ROBO2: variants seen among roughly 807,000 people sequenced by gnomAD.
ROBO2 encodes the protein roundabout guidance receptor 2.
Under a neutral mutation model 160.8 loss-of-function variants are expected in ROBO2, and 53 were observed. That is an observed-to-expected ratio of 0.33 (90% confidence interval 0.26 to 0.41). The LOEUF (loss-of-function observed/expected upper bound fraction) is 0.41, where lower values mean the gene tolerates loss of function less well. Among genes scored for constraint, ROBO2 ranks in the 10% least tolerant of loss-of-function variants. The pLI, the probability that ROBO2 is intolerant of heterozygous loss-of-function variation, is 1.00. For synonymous variants in ROBO2, 664 were observed against 611.7 expected, an observed-to-expected ratio of 1.09 and a Z score of -1.26; for missense variants, 1,577 against 1,722.4, an observed-to-expected ratio of 0.92 and a Z score of 1.49.
chr3:76,506,181 C>T (rs2080786392), intron 2 of ROBO2, among the ~76,000 whole-genome samples: 1 of 152,156 alleles, frequency 6.6e-6, no homozygotes, highest in Non-Finnish European at 1.5e-5. Flanking sequence ...GCTGGGCACA[C>T]ATATCTTTTA....
At chr3:76,325,036 C>T (rs1487016755) in intron 2 of ROBO2, among the ~76,000 whole-genome samples, 2 of 152,282 alleles carry the variant, frequency 1.3e-5, no homozygotes, top group Middle Eastern at 3.4e-3. Context: ...ACCCGGGAGG[C>T]GGAGCTTGCA....
Position 76,195,707 on chromosome 3 carries a change from T to C in ROBO2, c.109+258105T>C, listed in dbSNP as rs554084646. On this transcript the variant is annotated intron_variant, in intron 2 of 26. Coordinates refer to the ROBO2 transcript ENST00000487694. ...AAACAGTTCAAGTTGTCAAAGCCAA[T>C]AAGGAGAAGAATAAGGATTTGAACT... is the stretch of plus-strand genomic sequence containing the variant. Among the ~76,000 whole-genome samples the C allele has an allele frequency of 3.4e-4, 51 of 152,170 alleles. 1 individual carries two copies. The highest frequency in any genetic ancestry group is 6.9e-4 in the Non-Finnish European group (47 of 68,030).
At chr3:77,193,018 A>G (rs1008698686) in intron 2 of ROBO2, among the ~76,000 whole-genome samples, 1 of 152,104 alleles carries the variant, frequency 6.6e-6, no homozygotes, top group Non-Finnish European at 1.5e-5. Flanking sequence ...AAATATGTTC[A>G]CAGAAGCACC....
chr3:76,341,135 A>G (rs1516477), intron 2 of ROBO2, among the ~76,000 whole-genome samples: 115,351 of 151,996 alleles, frequency 0.76, 46,845 homozygotes, highest in East Asian at 0.96. Context: ...GAAATTTGTT[A>G]TCAGATTTAA....
intron 2 of ROBO2, among the ~76,000 whole-genome samples, chr3:76,380,718 T>TTA (rs145405521): frequency 0.046 from 6,955 of 152,126 alleles, 392 homozygotes; most frequent in African/African-American, 0.13. Context: ...AAGTCAAACG[T>TTA]TATATGTGGA....
At chr3:76,791,717 A>G (rs1349592773) in intron 2 of ROBO2, among the ~76,000 whole-genome samples, 1 of 151,758 alleles carries the variant, frequency 6.6e-6, no homozygotes, top group Non-Finnish European at 1.5e-5. Context: ...AAGTGAGATG[A>G]TATCTGGCTT....
chr3:77,602,507 G>T lies in ROBO2; in HGVS notation c.3136+16G>T, dbSNP rs1327696598. On this transcript the variant is annotated intron_variant, in intron 20 of 25. Transcript: ENST00000461745. ...GGTAACAATGGTGAGTCAGGTTCTT[G>T]TGTCCTGAGGAGGTATTTTCATATC... 1.2e-6 allele frequency: 2 copies of T among 1,613,558 alleles called. No homozygotes were observed. The highest frequency in any genetic ancestry group is 3.3e-5 in the Admixed American group (2 of 60,012).
chr3:77,165,209 C>T (rs2078960584), intron 2 of ROBO2, among the ~76,000 whole-genome samples: 1 of 150,370 alleles, frequency 6.7e-6, no homozygotes, highest in Non-Finnish European at 1.5e-5. Context: ...TCATTTTGTT[C>T]TGCACTAAGA....
intron 2 of ROBO2, among the ~76,000 whole-genome samples, chr3:76,928,229 A>G (rs2149035402): frequency 6.6e-6 from 1 of 152,286 alleles, no homozygotes; most frequent in African/African-American, 2.4e-5. Context: ...CATGAGCCAC[A>G]AAATGGGAGT....
chr3:76,796,511 A>AAG (rs2063711810), intron 2 of ROBO2, among the ~76,000 whole-genome samples: 37 of 144,522 alleles, frequency 2.6e-4, no homozygotes, highest in African/African-American at 9.5e-4. Flanking sequence ...AAAGAAGGAA[A>AAG]GAAGGAAGGA....
intron 14 of ROBO2, among the ~76,000 whole-genome samples, chr3:77,576,430 C>A (rs906938921): frequency 1.1e-4 from 16 of 152,116 alleles, no homozygotes; most frequent in Middle Eastern, 3.4e-3. Context: ...ACATAAAAAG[C>A]CATTAATACC....
At chr3:76,885,566 C>T (rs1437338313) in intron 2 of ROBO2, among the ~76,000 whole-genome samples, 2 of 152,122 alleles carry the variant, frequency 1.3e-5, no homozygotes, top group African/African-American at 4.8e-5. Flanking sequence ...GCTAAAAATA[C>T]CAATGTTCAC....
chr3:76,193,805 A>C (rs1481263275), intron 2 of ROBO2, among the ~76,000 whole-genome samples: 1 of 152,286 alleles, frequency 6.6e-6, no homozygotes, highest in South Asian at 2.1e-4. Context: ...TTAATTGATC[A>C]TGTGACCTCT....
rs554839795 is a variant in ROBO2 at position 75,997,516 on chromosome 3, G to A, written c.109+59914G>A. Among the ~76,000 whole-genome samples, 91 of 12,266 alleles carry A rather than the reference G, an allele frequency of 7.4e-3. 1 individual carries two copies. The highest frequency in any genetic ancestry group is 0.021 in the South Asian group (2 of 96). 8.0% of individuals were successfully genotyped at this position (12,266 alleles called of 152,430 possible). A position where few individuals can be genotyped will look rare whatever the true frequency, so the allele number is the denominator to read the frequency against. ...CATCCATTCTTTTTTTTTTTGAGAC[G>A]GAGTCTCTCTCTGTCACCCAGGCTG... On this transcript the variant is annotated intron_variant, in intron 2 of 26. Coordinates refer to the ROBO2 transcript ENST00000487694.
At chr3:76,227,093 T>C (rs746115374) in intron 2 of ROBO2, among the ~76,000 whole-genome samples, 7 of 152,204 alleles carry the variant, frequency 4.6e-5, no homozygotes, top group Non-Finnish European at 7.3e-5. Flanking sequence ...CTCACTACAG[T>C]GAATCTGGAA....
chr3:76,971,197 C>G (rs2059555561), intron 2 of ROBO2, among the ~76,000 whole-genome samples: 1 of 152,060 alleles, frequency 6.6e-6, no homozygotes, highest in Non-Finnish European at 1.5e-5. Flanking sequence ...CATTTTTATT[C>G]CGAACATAAT....
intron 2 of ROBO2, among the ~76,000 whole-genome samples, chr3:77,331,816 C>T (rs2065993506): frequency 6.6e-6 from 1 of 152,164 alleles, no homozygotes; most frequent in Admixed American, 6.5e-5. Flanking sequence ...AGCGATTCTC[C>T]TGCCTCAGCC....
Position 76,314,806 on chromosome 3 carries a change from G to A in ROBO2, c.109+377204G>A, listed in dbSNP as rs573251074. Among the ~76,000 whole-genome samples the A allele has an allele frequency of 1.8e-4, 27 of 152,158 alleles. No homozygotes were observed. In the South Asian group the frequency reaches 5.4e-3, roughly 30 times the overall value. ...ACTGGTAATGCTTCCAGTCAACAGT[G>A]GGTTATTAGTGGTTAAGTTTTGGGG... On this transcript the variant is annotated intron_variant, in intron 2 of 26. Coordinates refer to the ROBO2 transcript ENST00000487694.
intron 2 of ROBO2, among the ~76,000 whole-genome samples, chr3:77,312,388 A>T (rs1281404574): frequency 6.6e-6 from 1 of 152,184 alleles, no homozygotes; most frequent in African/African-American, 2.4e-5. Context: ...TATTATTTGG[A>T]AGCATTTTAT....
Sources: allele counts gnomAD v4.1 joint callset (sites outside exome capture counted in the v4.1 genomes callset), GRCh38; gene constraint gnomAD v4.1.1; transcripts MANE v1.5; gene names NCBI Gene and HGNC (gene_info 2026-07-23, HGNC 2026-07-21).